The following TM4SF20 variants were observed in gnomAD, a reference collection of about 807,000 sequenced individuals.
TM4SF20 encodes transmembrane 4 L six family member 20, also known as transmembrane 4 L6 family member 20.
A neutral mutation model predicts 15.1 loss-of-function variants in TM4SF20; 13 were observed. The ratio of observed to expected loss-of-function variants is 0.86; its 90% CI spans 0.56 to 1.36. The LOEUF (loss-of-function observed/expected upper bound fraction) is 1.36, where lower values mean the gene tolerates loss of function less well. TM4SF20 is among the 40% of genes most tolerant of loss of function. The pLI is 0.00. For synonymous variants in TM4SF20, 92 were observed against 96.6 expected, an observed-to-expected ratio of 0.95 and a Z score of 0.28; for missense variants, 282 against 268.4, an observed-to-expected ratio of 1.05 and a Z score of -0.35.
intron 3 of TM4SF20, among the ~76,000 whole-genome samples, chr2:227,365,475 T>C (rs942708129): frequency 3.0e-4 from 46 of 152,194 alleles, no homozygotes; most frequent in African/African-American, 1.1e-3. Flanking sequence ...ATTAAGTACA[T>C]GTAACTCTCC....
intron 2 of TM4SF20, among the ~76,000 whole-genome samples, chr2:227,370,522 C>T (rs7579233): frequency 0.047 from 7,114 of 152,046 alleles, 444 homozygotes; most frequent in East Asian, 0.13. Flanking sequence ...TTTGGGAGGC[C>T]GAGGCGAGCA....
rs908576956 is a variant in TM4SF20 at position 227,363,684 on chromosome 2, T to G, written c.*40A>C. The G allele has an allele frequency of 2.6e-6, 4 of 1,555,966 alleles. No homozygotes were observed. The highest frequency in any genetic ancestry group is 3.5e-6 in the Non-Finnish European group (4 of 1,151,950). On this transcript the variant is annotated 3_prime_UTR_variant, in exon 4 of 4. Transcript: ENST00000304568. ...TTGAAAACAAGTGTACTTCTCAAAT[T>G]AATTCAAACTACTGATACTTACATT... is the stretch of plus-strand genomic sequence containing the variant.
chr2:227,380,890 C>T (rs1181399234), upstream of TM4SF20, among the ~76,000 whole-genome samples: 7 of 152,200 alleles, frequency 4.6e-5, no homozygotes. Flanking sequence ...GACACCAAAA[C>T]AGTAGCTCCA....
At chr2:227,375,552 C>T (rs1262236751) in intron 1 of TM4SF20, among the ~76,000 whole-genome samples, 8 of 152,170 alleles carry the variant, frequency 5.3e-5, no homozygotes, top group South Asian at 4.1e-4. Context: ...TACAGTGGCG[C>T]GATCTCAGCT....
intron 1 of TM4SF20, 82 bp downstream of exon 1, chr2:227,379,004 T>A: frequency 7.1e-7 from 1 of 1,403,712 alleles, no homozygotes; most frequent in Non-Finnish European, 9.8e-7. Context: ...CATAGTTAAC[T>A]GCAAGACTGG....
Position 227,379,207 on chromosome 2 carries a change from A to G in TM4SF20, c.62T>C (p.Leu21Ser), listed in dbSNP as rs1390953100. 3.7e-6 allele frequency: 6 copies of G among 1,614,104 alleles called. No homozygotes were observed. The highest frequency in any genetic ancestry group is 4.2e-6 in the Non-Finnish European group (5 of 1,179,926). ...AGGTATCGCATTGAGAACTACTCCT[A>G]ACAGCAGTAGAACCAGCAGGCTGAA... is the stretch of plus-strand genomic sequence containing the variant. ...NGFSLLVLLLLGVVLNAIPLI... is the reference protein window; with the variant it reads ...NGFSLLVLLLSGVVLNAIPLI... Residue 21 changes from leucine to serine, a missense_variant, in exon 1 of 4, where the codon TTA becomes TCA. Physicochemically the swap from Leu to Ser is moderately radical, Grantham distance 145. Coordinates refer to ENST00000304568, the MANE Select transcript of TM4SF20 (RefSeq NM_024795.4).
intron 2 of TM4SF20, among the ~76,000 whole-genome samples, chr2:227,370,523 G>A (rs544906358): frequency 3.3e-5 from 5 of 152,188 alleles, no homozygotes; most frequent in Non-Finnish European, 5.9e-5. Context: ...TTGGGAGGCC[G>A]AGGCGAGCAG....
At chr2:227,369,090 T>C (rs2076407884) in intron 2 of TM4SF20, among the ~76,000 whole-genome samples, 1 of 152,216 alleles carries the variant, frequency 6.6e-6, no homozygotes, top group African/African-American at 2.4e-5. Flanking sequence ...TTCCAAATTA[T>C]TATCGTTTAC....
intron 2 of TM4SF20, among the ~76,000 whole-genome samples, chr2:227,370,462 A>G (rs139638132): frequency 6.6e-6 from 1 of 152,218 alleles, no homozygotes; most frequent in East Asian, 1.9e-4. Context: ...ATCATCCTAA[A>G]TAGCATGTTT....
intron 1 of TM4SF20, among the ~76,000 whole-genome samples, chr2:227,378,626 T>C (rs562598268): frequency 6.6e-6 from 1 of 152,350 alleles, no homozygotes; most frequent in East Asian, 1.9e-4. Context: ...GCAGCATTCA[T>C]GCCTCGTAAT....
In TM4SF20 at chr2:227,363,740, C is replaced by A. The variant is rs1560002350; in HGVS notation, c.674G>T (p.Arg225Ile). 8.7e-6 allele frequency: 14 copies of A among 1,612,922 alleles called. No individual in the cohort carries two copies. Among genetic ancestry groups the A allele is most frequent in the South Asian group, 2.2e-5 (2 of 90,922 alleles). Residue 225 changes from arginine to isoleucine, a missense_variant, in exon 4 of 4, where the codon AGA (arginine) becomes ATA (isoleucine). Transcript: ENST00000304568. ...CCCATTAAACTACACAATTTGACTTCTTCGCTTAGAGACTCCACACAGACA... is the reference window on the plus strand; with the variant it reads ...CCCATTAAACTACACAATTTGACTTATTCGCTTAGAGACTCCACACAGACA... Reference protein sequence around the residue: ...LGCLCGVSKRRSQIV With the variant: ...LGCLCGVSKRISQIV
At chr2:227,369,194 A>G (rs1336308470) in intron 2 of TM4SF20, among the ~76,000 whole-genome samples, 1 of 152,222 alleles carries the variant, frequency 6.6e-6, no homozygotes, top group Non-Finnish European at 1.5e-5. Context: ...TAATTAGCAT[A>G]ATTATTGTAA....
At chr2:227,376,906 C>T (rs1294385294) in intron 1 of TM4SF20, among the ~76,000 whole-genome samples, 2 of 152,182 alleles carry the variant, frequency 1.3e-5, no homozygotes, top group African/African-American at 4.8e-5. Context: ...TAAATGCACA[C>T]ATTATTATAG....
At chr2:227,366,282 C>T in intron 2 of TM4SF20, 38 bp from the exon 3 acceptor site, 1 of 1,589,692 alleles carries the variant, frequency 6.3e-7, no homozygotes, top group Non-Finnish European at 8.6e-7. Flanking sequence ...CATGTTATGA[C>T]ATGTTCTTGA....
At chr2:227,364,153 A>G (rs952664642) in intron 3 of TM4SF20, 141 bp from the exon 4 acceptor site, 97 of 848,494 alleles carry the variant, frequency 1.1e-4, no homozygotes, top group Non-Finnish European at 1.6e-4. Flanking sequence ...AGGGTTTCTG[A>G]GCATGTGTCC....
upstream of TM4SF20, among the ~76,000 whole-genome samples, chr2:227,380,764 C>T (rs930431610): frequency 6.6e-6 from 1 of 152,250 alleles, no homozygotes; most frequent in African/African-American, 2.4e-5. Flanking sequence ...ATGTATGCAG[C>T]GGTGCAGTCA....
chr2:227,363,417 A>T lies in TM4SF20; in HGVS notation c.*307T>A. On this transcript the variant is annotated 3_prime_UTR_variant, in exon 4 of 4. Coordinates refer to ENST00000304568, the MANE Select transcript of TM4SF20 (RefSeq NM_024795.4). ...CAGCCTTTTTTGAGACCCTGTCTCA[A>T]AAAAAAAAAAAAAAAGTCCTGTACT... The T allele has an allele frequency of 1.2e-5, 1 of 84,068 alleles. No individual in the cohort carries two copies. The allele number at this position is 84,068 out of a possible 1,614,324, so 5.2% of individuals were successfully genotyped here. A position where few individuals can be genotyped will look rare whatever the true frequency, so the allele number is the denominator to read the frequency against.
Position 227,363,808 on chromosome 2 carries a change from C to T in TM4SF20, c.606G>A (p.Glu202=). The T allele has an allele frequency of 6.2e-7, 1 of 1,614,118 alleles. No homozygotes were observed. The highest frequency in any genetic ancestry group is 8.5e-7 in the Non-Finnish European group (1 of 1,180,002). ...CTATCTGACTGAGCCCAAACAGGAC[C>T]TCCAGAATTCCAACAAGCAATAGAC... ...FLGLLLVGIL[E]VLFGLSQIVI... is the part of the protein sequence containing the mutation. The change falls in exon 4 of 4, where the codon GAG becomes GAA. Residue 202 remains glutamate (E), a synonymous_variant. Transcript: ENST00000304568.
At chr2:227,372,684 G>A (rs1376739146) in intron 1 of TM4SF20, among the ~76,000 whole-genome samples, 2 of 152,088 alleles carry the variant, frequency 1.3e-5, no homozygotes, top group Admixed American at 1.3e-4. Context: ...CATTTGGGGT[G>A]CAGAGCCCAC....
Sources: allele counts gnomAD v4.1 joint callset (sites outside exome capture counted in the v4.1 genomes callset), GRCh38; gene constraint gnomAD v4.1.1; transcripts MANE v1.5; gene names NCBI Gene and HGNC (gene_info 2026-07-23, HGNC 2026-07-21).